Variants in IQSEC1 observed in about 807,000 individuals in gnomAD.
The protein encoded by IQSEC1 is IQ motif and SEC7 domain-containing protein 1.
IQSEC1 carries 31 observed loss-of-function variants against 91.0 expected under a neutral mutation model. That is an observed-to-expected ratio of 0.34 (90% CI 0.26 to 0.46). The LOEUF (loss-of-function observed/expected upper bound fraction) is 0.46, where lower values mean the gene tolerates loss of function less well. Among genes scored for constraint, IQSEC1 ranks in the 20% least tolerant of loss-of-function variants. The pLI is 1.00. For missense variants in IQSEC1, 1,388 were observed against 1,575.6 expected (o/e 0.88, Z 2.02); for synonymous variants, 699 against 662.6 (o/e 1.05, Z -0.84).
intron 1 of IQSEC1, among the ~76,000 whole-genome samples, chr3:12,999,681 AT>A (rs1386715631): frequency 6.6e-6 from 1 of 152,214 alleles, no homozygotes; most frequent in African/African-American, 2.4e-5. Context: ...AGCAGGAAGT[AT>A]AGCAGGCAAC....
intron 1 of IQSEC1, among the ~76,000 whole-genome samples, chr3:13,184,164 G>C (rs1017281108): frequency 1.3e-5 from 2 of 152,162 alleles, no homozygotes; most frequent in African/African-American, 4.8e-5. Context: ...CTAATGTTAT[G>C]ATGTCAACAT....
At chr3:13,202,128 T>C (rs1694256232) in intron 1 of IQSEC1, among the ~76,000 whole-genome samples, 1 of 152,224 alleles carries the variant, frequency 6.6e-6, no homozygotes, top group African/African-American at 2.4e-5. Context: ...CCCATTAGGA[T>C]GGCTCCTATC....
chr3:13,152,661 C>T (rs1033799812), intron 2 of IQSEC1, among the ~76,000 whole-genome samples: 3 of 152,120 alleles, frequency 2.0e-5, no homozygotes, highest in Admixed American at 1.3e-4. Context: ...ACCTGAGGTC[C>T]GGAGTTTGAG....
intron 2 of IQSEC1, among the ~76,000 whole-genome samples, chr3:13,091,816 T>C (rs1705866272): frequency 6.6e-6 from 1 of 151,988 alleles, no homozygotes; most frequent in African/African-American, 2.4e-5. Context: ...TGTGGCACAT[T>C]TGGGGAGTCT....
chr3:13,234,135 C>A (rs921947768), intron 1 of IQSEC1, among the ~76,000 whole-genome samples: 1 of 152,170 alleles, frequency 6.6e-6, no homozygotes, highest in Non-Finnish European at 1.5e-5. Flanking sequence ...ACAGATTGTG[C>A]CTGTGTTTGT....
intron 1 of IQSEC1, among the ~76,000 whole-genome samples, chr3:13,020,783 C>T (rs560533468): frequency 1.3e-5 from 2 of 152,332 alleles, no homozygotes; most frequent in African/African-American, 2.4e-5. Flanking sequence ...TTCCTCCTGC[C>T]TCAGCCTTCC....
At position 12,900,968 on chromosome 3, in the gene IQSEC1, C is replaced by T. The variant is rs1389561202; in HGVS notation, c.*15G>A. On this transcript the variant is annotated 3_prime_UTR_variant, in exon 14 of 14. Coordinates refer to ENST00000613206, the MANE Select transcript of IQSEC1 (RefSeq NM_001134382.3). ...GCAGGTGTTTCAGGGAGCCTGGGAC[C>T]CCTACCCAGGCTGTCTACACAATTG... 3 of 1,542,354 alleles carry T rather than the reference C, an allele frequency of 1.9e-6. No individual in the cohort carries two copies. Among genetic ancestry groups the T allele is most frequent in the African/African-American group, 1.4e-5 (1 of 73,022 alleles).
chr3:13,220,787 A>T (rs1178020190), intron 1 of IQSEC1, among the ~76,000 whole-genome samples: 1 of 152,198 alleles, frequency 6.6e-6, no homozygotes, highest in Non-Finnish European at 1.5e-5. Context: ...GTCCCGGGAT[A>T]TTTGGCTAAA....
chr3:12,936,799 G>A, intron 2 of IQSEC1, 102 bp from the exon 3 acceptor site: 1 of 1,207,708 alleles, frequency 8.3e-7, no homozygotes, highest in Non-Finnish European at 1.1e-6. Context: ...GTGCGACCTG[G>A]GAAGGTCCCA....
At chr3:13,021,886 C>A in intron 1 of IQSEC1, 1 of 454,244 alleles carries the variant, frequency 2.2e-6, no homozygotes, top group South Asian at 1.2e-4. Flanking sequence ...GGTCATTGTT[C>A]CACTCTCCTC....
rs1405790874 is a variant in IQSEC1 at position 13,006,674 on chromosome 3, CCCA to C, written c.24-64812_24-64810del. On this transcript the variant is annotated intron_variant, in intron 1 of 13. Transcript: ENST00000613206. ...AACTGAAACACACGCGCACACAGCC[CCCA>C]CTCTAGAGACTGCCAGCTGGTGTTG... Among the ~76,000 whole-genome samples the C allele has an allele frequency of 2.0e-5, 3 of 152,368 alleles. No homozygotes were observed. The East Asian group carries it at 5.8e-4, about 29-fold the overall frequency.
At chr3:13,112,481 A>C (rs2124868235) in intron 2 of IQSEC1, among the ~76,000 whole-genome samples, 1 of 152,344 alleles carries the variant, frequency 6.6e-6, no homozygotes, top group East Asian at 1.9e-4. Context: ...CAACCAATCA[A>C]CAAAGAGACG....
chr3:13,146,941 G>A (rs537173572), intron 2 of IQSEC1, among the ~76,000 whole-genome samples: 1 of 152,186 alleles, frequency 6.6e-6, no homozygotes, highest in Admixed American at 6.5e-5. Flanking sequence ...CAGCCCTCTA[G>A]AGTGCAGGGT....
At chr3:12,939,365 A>G (rs1698540915) in intron 2 of IQSEC1, among the ~76,000 whole-genome samples, 1 of 152,244 alleles carries the variant, frequency 6.6e-6, no homozygotes, top group South Asian at 2.1e-4. Flanking sequence ...ACACAGGGAC[A>G]GTACCTGAAA....
chr3:13,238,638 C>A (rs1411392795), intron 1 of IQSEC1, among the ~76,000 whole-genome samples: 4 of 152,252 alleles, frequency 2.6e-5, no homozygotes, highest in African/African-American at 9.6e-5. Context: ...GGCATCACCA[C>A]AATCCCGGCT....
intron 1 of IQSEC1, among the ~76,000 whole-genome samples, chr3:13,003,276 CAA>C (rs56239928): frequency 3.5e-5 from 2 of 57,106 alleles, no homozygotes; most frequent in Admixed American, 2.5e-4. Context: ...CTGTCTCTAC[CAA>C]AAAAAAAAAA....
intron 2 of IQSEC1, among the ~76,000 whole-genome samples, chr3:13,093,691 C>T (rs963219594): frequency 6.6e-6 from 1 of 152,146 alleles, no homozygotes; most frequent in Non-Finnish European, 1.5e-5. Flanking sequence ...TACAGCCTGG[C>T]GGCAGGATCA....
intron 2 of IQSEC1, among the ~76,000 whole-genome samples, chr3:13,088,643 C>T (rs1282812933): frequency 6.6e-6 from 1 of 152,116 alleles, no homozygotes; most frequent in Non-Finnish European, 1.5e-5. Flanking sequence ...TCCCGGGGAC[C>T]CCACCCCACT....
intron 2 of IQSEC1, among the ~76,000 whole-genome samples, chr3:13,128,221 G>A: frequency 6.6e-6 from 1 of 152,222 alleles, no homozygotes; most frequent in Non-Finnish European, 1.5e-5. Context: ...AGTAGGGAGA[G>A]ACATTCTTGC....
Sources: allele counts gnomAD v4.1 joint callset (sites outside exome capture counted in the v4.1 genomes callset), GRCh38; gene constraint gnomAD v4.1.1; transcripts MANE v1.5; gene names NCBI Gene and HGNC (gene_info 2026-07-23, HGNC 2026-07-21).